Variants in SERINC3 observed in about 807,000 individuals in gnomAD.
SERINC3 encodes the protein serine incorporator 3.
SERINC3 carries 22 observed loss-of-function variants against 52.1 expected under a neutral mutation model. That is an observed-to-expected ratio of 0.42 (90% confidence interval 0.30 to 0.60). SERINC3 has a LOEUF of 0.60. Ranked by LOEUF, SERINC3 falls within the 20% of genes least tolerant of loss-of-function variation. The pLI, the probability that SERINC3 is intolerant of heterozygous loss-of-function variation, is 0.16. For missense variants in SERINC3, 564 were observed against 584.6 expected, an observed-to-expected ratio of 0.96 and a Z score of 0.36; for synonymous variants, 226 against 212.7, an observed-to-expected ratio of 1.06 and a Z score of -0.54.
rs759290984 is a variant in SERINC3 at position 44,506,844 on chromosome 20, T to C, written c.766A>G (p.Ile256Val). Residue 256 changes from isoleucine (I) to valine (V), a missense_variant, in exon 6 of 10, where the codon ATC becomes GTC. Physicochemically the swap from Ile to Val is conservative, Grantham distance 29 (BLOSUM62 3). Coordinates refer to ENST00000342374, the MANE Select transcript of SERINC3 (RefSeq NM_006811.4). Reference sequence around the variant, plus strand: ...AATCATACCTGAATTTTTGGGTGGATCGATATAATAGAAGCCACAACGCAA... The same window carrying C: ...AATCATACCTGAATTTTTGGGTGGACCGATATAATAGAAGCCACAACGCAA... ...ILCVVASIISIHPKIQEHQPR... is the reference protein window; with the variant it reads ...ILCVVASIISVHPKIQEHQPR... 9 of 1,573,928 alleles carry C rather than the reference T, an allele frequency of 5.7e-6. No individual in the cohort carries two copies. The highest frequency in any genetic ancestry group is 1.9e-5 in the Admixed American group (1 of 52,496).
chr20:44,511,705 T>C (rs533744130), intron 3 of SERINC3, among the ~76,000 whole-genome samples: 1 of 152,302 alleles, frequency 6.6e-6, no homozygotes, highest in South Asian at 2.1e-4. Flanking sequence ...ACACAGCCAT[T>C]AACTGTTAAG....
At chr20:44,509,781 T>G (rs1360935789) in intron 5 of SERINC3, 110 bp downstream of exon 5, 3 of 1,173,986 alleles carry the variant, frequency 2.6e-6, no homozygotes, top group African/African-American at 3.0e-5. Context: ...TCTCCCACCT[T>G]GGACTTCTGT....
intron 1 of SERINC3, chr20:44,519,365 A>G (rs1195069832): frequency 6.3e-6 from 6 of 953,736 alleles, no homozygotes; most frequent in South Asian, 4.8e-5. Context: ...GGAGATTGAG[A>G]CCATCCTGGC....
chr20:44,510,748 T>C (rs1176038682), intron 4 of SERINC3, among the ~76,000 whole-genome samples: 3 of 150,868 alleles, frequency 2.0e-5, no homozygotes, highest in Non-Finnish European at 3.0e-5. Flanking sequence ...GAGGTGGAGG[T>C]TGCAGTGAGC....
chr20:44,514,090 T>G, intron 1 of SERINC3, 50 bp from the exon 2 acceptor site: 1 of 1,552,796 alleles, frequency 6.4e-7, no homozygotes, highest in Non-Finnish European at 8.7e-7. Flanking sequence ...GTATACTCCT[T>G]TATGACACAG....
chr20:44,509,903 A>G lies in SERINC3; in HGVS notation c.601T>C (p.Leu201=), dbSNP rs1184327322. ...TAGAGATACCTACCAGCATACCACAACCTTGGGTTTCCTTCTTCCATTCGA... is the reference window on the plus strand; with the variant it reads ...TAGAGATACCTACCAGCATACCACAGCCTTGGGTTTCCTTCTTCCATTCGA... ...VNRMEEGNPR[L]WYAALLSFTS... Residue 201 remains leucine (L), a synonymous_variant, in exon 5 of 10, where the codon TTG becomes CTG. Coordinates refer to ENST00000342374, the MANE Select transcript of SERINC3 (RefSeq NM_006811.4). 10 of 1,613,988 alleles carry G rather than the reference A, an allele frequency of 6.2e-6. No homozygotes were observed. Among genetic ancestry groups the G allele is most frequent in the Non-Finnish European group, 8.5e-6 (10 of 1,180,022 alleles).
At chr20:44,521,045 G>A (rs1232286366) in intron 1 of SERINC3, among the ~76,000 whole-genome samples, 1 of 152,208 alleles carries the variant, frequency 6.6e-6, no homozygotes, top group Non-Finnish European at 1.5e-5. Context: ...ATCCCCTGCA[G>A]AGCTGACTGT....
intron 7 of SERINC3, among the ~76,000 whole-genome samples, chr20:44,504,443 A>C (rs913882975): frequency 4.6e-5 from 7 of 152,238 alleles, no homozygotes; most frequent in Non-Finnish European, 7.3e-5. Flanking sequence ...CTACAAAAGG[A>C]GATTTCCTAC....
Position 44,500,309 on chromosome 20 carries a change from C to T in SERINC3, c.1409G>A (p.Arg470Gln), listed in dbSNP as rs895772422. The change falls in exon 10 of 10, where the codon CGG (arginine) becomes CAG (glutamine). Residue 470 changes from arginine to glutamine, a missense_variant. Coordinates refer to ENST00000342374, the MANE Select transcript of SERINC3 (RefSeq NM_006811.4). The stretch of plus-strand genomic sequence containing the variant: ...GCACTCAGAGGTTCAGCTGAAGTCC[C>T]GACTGGTGAGGACAAGTGGAGCCAC... ...TLVAPLVLTS[R>Q]DFS is the part of the protein sequence containing the mutation. The T allele has an allele frequency of 5.0e-6, 8 of 1,611,566 alleles. No homozygotes were observed. The highest frequency in any genetic ancestry group is 6.8e-6 in the Non-Finnish European group (8 of 1,179,134).
In SERINC3 at chr20:44,501,139, G is replaced by T. The variant is rs752469114; in HGVS notation, c.1217C>A (p.Ser406Tyr). Residue 406 changes from serine (S) to tyrosine (Y), a missense_variant, in exon 9 of 10, where the codon TCC (serine) becomes TAC (tyrosine). By Grantham distance (144) the Ser-to-Tyr change is moderately radical. Transcript: ENST00000342374. Reference sequence around the variant, plus strand: ...CAAGCAGAGCATGAGGTGGAATAAGGAGTAGCTATACTGCACTCCCTCTTT... The same window carrying T: ...CAAGCAGAGCATGAGGTGGAATAAGTAGTAGCTATACTGCACTCCCTCTTT... Reference protein sequence around the residue: ...NEKEGVQYSYSLFHLMLCLAS... With the variant: ...NEKEGVQYSYYLFHLMLCLAS... 54 of 1,613,934 alleles carry T rather than the reference G, an allele frequency of 3.3e-5. No individual in the cohort carries two copies. Among genetic ancestry groups the T allele is most frequent in the Non-Finnish European group, 4.4e-5 (52 of 1,180,010 alleles).
At position 44,500,522 on chromosome 20, in the gene SERINC3, AT is replaced by A. The variant is rs1266234914; in HGVS notation, c.1284-89del. The A allele has an allele frequency of 2.0e-6, 3 of 1,472,182 alleles. No individual in the cohort carries two copies. The Admixed American group carries it at 6.0e-5, about 29-fold the overall frequency. The allele number at this position is 1,472,182 out of a possible 1,614,324, so 91.2% of individuals were successfully genotyped here. ...GCAGCCCCCCAGCCAAGGCCAAGAA[AT>A]TCTCCAGTGAAACTTGGCTGGCACT... On this transcript the variant is annotated intron_variant, in intron 9 of 9. Transcript: ENST00000342374.
chr20:44,509,627 C>A (rs1030338397), intron 5 of SERINC3, among the ~76,000 whole-genome samples: 4 of 152,062 alleles, frequency 2.6e-5, no homozygotes, highest in African/African-American at 9.7e-5. Flanking sequence ...CTCCTGGATT[C>A]CAGAGATTCT....
At chr20:44,507,246 T>C (rs1485199351) in intron 5 of SERINC3, among the ~76,000 whole-genome samples, 1 of 152,226 alleles carries the variant, frequency 6.6e-6, no homozygotes, top group African/African-American at 2.4e-5. Flanking sequence ...CATGGGTTGA[T>C]TACCAGACAT....
chr20:44,513,790 C>G, intron 2 of SERINC3, 89 bp downstream of exon 2: 2 of 1,194,740 alleles, frequency 1.7e-6, no homozygotes, highest in Non-Finnish European at 2.3e-6. Context: ...TTACAACCAA[C>G]TTGATTAACA....
chr20:44,500,247 G>C lies in SERINC3; in HGVS notation c.*49C>G, dbSNP rs1323513943. ...AACTTAAAAGGTATATGGGTTTTCG[G>C]TGAAGGAGACCTTTGTGAGTTCCAG... is the stretch of plus-strand genomic sequence containing the variant. On this transcript the variant is annotated 3_prime_UTR_variant, in exon 10 of 10. Coordinates refer to ENST00000342374, the MANE Select transcript of SERINC3 (RefSeq NM_006811.4). 6.3e-7 allele frequency: 1 copy of C among 1,576,266 alleles called. No individual in the cohort carries two copies. The highest frequency in any genetic ancestry group is 2.3e-5 in the East Asian group (1 of 44,172).
Position 44,498,609 on chromosome 20 carries a change from C to A in SERINC3, c.*1687G>T, listed in dbSNP as rs536821393. The A allele has an allele frequency of 4.6e-5, 7 of 152,080 alleles. 1 individual carries two copies. In the South Asian group the frequency reaches 1.5e-3, roughly 32 times the overall value. The allele number at this position is 152,080 out of a possible 1,614,324, so 9.4% of individuals were successfully genotyped here. On this transcript the variant is annotated 3_prime_UTR_variant, in exon 10 of 10. Transcript: ENST00000342374. The stretch of plus-strand genomic sequence containing the variant: ...AAATTAAAATTGAAAAAAAAAAATT[C>A]TAATTGCTAAGTAGCCCTCACCTGT...
At chr20:44,504,132 C>T in intron 7 of SERINC3, 137 bp from the exon 8 acceptor site, 1 of 599,376 alleles carries the variant, frequency 1.7e-6, no homozygotes. Flanking sequence ...TGAAACTTAG[C>T]AGTCAGTAGT....
intron 1 of SERINC3, among the ~76,000 whole-genome samples, chr20:44,520,255 A>C (rs1369588058): frequency 6.6e-6 from 1 of 152,106 alleles, no homozygotes; most frequent in East Asian, 1.9e-4. Flanking sequence ...ATACACTATA[A>C]TCCCAGCTAC....
chr20:44,506,994 A>C lies in SERINC3; in HGVS notation c.616T>G (p.Leu206Val). The C allele has an allele frequency of 6.3e-7, 1 of 1,590,966 alleles. No individual in the cohort carries two copies. Among genetic ancestry groups the C allele is most frequent in the Non-Finnish European group, 8.5e-7 (1 of 1,171,264 alleles). Residue 206 changes from leucine (L) to valine (V), a missense_variant and splice_region_variant, in exon 6 of 10, where the codon TTA (leucine) becomes GTA (valine). Coordinates refer to ENST00000342374, the MANE Select transcript of SERINC3 (RefSeq NM_006811.4). ...EGNPRLWYAALLSFTSAFYIL... is the reference protein window; with the variant it reads ...EGNPRLWYAAVLSFTSAFYIL... The stretch of plus-strand genomic sequence containing the variant: ...TAAAAGGCGCTTGTGAAAGACAGTA[A>C]AGCTGGAGAAAGGGAAACCAATATG...
Sources: allele counts gnomAD v4.1 joint callset (sites outside exome capture counted in the v4.1 genomes callset), GRCh38; gene constraint gnomAD v4.1.1; transcripts MANE v1.5; gene names NCBI Gene and HGNC (gene_info 2026-07-23, HGNC 2026-07-21).